Variants in EPHA6 observed in about 807,000 individuals in gnomAD.
EPHA6 encodes the protein EPH receptor A6.
EPHA6 carries 50 observed loss-of-function variants against 112.0 expected under a neutral mutation model. The observed-to-expected ratio is 0.45, with a 90% CI of 0.36 to 0.56. The LOEUF (loss-of-function observed/expected upper bound fraction) is 0.56, where lower values mean the gene tolerates loss of function less well. EPHA6 is among the 20% of genes least tolerant of loss of function. EPHA6 has a pLI of 0.00. For synonymous variants in EPHA6, 529 were observed against 490.7 expected (o/e 1.08, Z -1.03); for missense variants, 1,280 against 1,417.4 (o/e 0.90, Z 1.56).
intron 13 of EPHA6, among the ~76,000 whole-genome samples, chr3:97,636,304 G>T (rs954851358): frequency 5.3e-5 from 8 of 152,058 alleles, no homozygotes; most frequent in Admixed American, 1.3e-4. Flanking sequence ...TCCACTCAAA[G>T]GTTTCAAGAT....
At chr3:96,985,737 G>T (rs2042997873) in intron 2 of EPHA6, among the ~76,000 whole-genome samples, 1 of 152,138 alleles carries the variant, frequency 6.6e-6, no homozygotes, top group South Asian at 2.1e-4. Context: ...TGTTAAGTTT[G>T]CATGATGGAT....
chr3:97,395,387 G>C lies in EPHA6; in HGVS notation c.1607-9763G>C, dbSNP rs1437540995. ...TTCCAAAACAAAATATAGGTCAGAA[G>C]TATTTTGAAACATGTTCTCAGGTTT... On this transcript the variant is annotated intron_variant, in intron 5 of 17. Transcript: ENST00000389672. 5.9e-5 allele frequency among the ~76,000 whole-genome samples: 9 copies of C among 151,706 alleles called. No homozygotes were observed. In the East Asian group the frequency reaches 1.7e-3, roughly 29 times the overall value.
At chr3:97,598,502 G>A (rs2093614215) in intron 12 of EPHA6, among the ~76,000 whole-genome samples, 1 of 144,918 alleles carries the variant, frequency 6.9e-6, no homozygotes. Flanking sequence ...ACCTATGAGT[G>A]AGAATATGCG....
At chr3:96,892,735 G>A (rs1309067118) in intron 2 of EPHA6, among the ~76,000 whole-genome samples, 1 of 151,852 alleles carries the variant, frequency 6.6e-6, no homozygotes, top group Non-Finnish European at 1.5e-5. Context: ...TTCTGCTCAT[G>A]CATTCCATTC....
At chr3:96,939,830 A>G (rs1303826921) in intron 2 of EPHA6, among the ~76,000 whole-genome samples, 1 of 152,172 alleles carries the variant, frequency 6.6e-6, no homozygotes, top group South Asian at 2.1e-4. Flanking sequence ...TTCAAAGAAC[A>G]TCTTTATTTC....
At chr3:97,726,629 G>A (rs781214586) in intron 15 of EPHA6, among the ~76,000 whole-genome samples, 7 of 151,996 alleles carry the variant, frequency 4.6e-5, no homozygotes, top group Non-Finnish European at 8.8e-5. Flanking sequence ...GTTTTCTAGC[G>A]TATGAAGATT....
At chr3:96,899,152 A>G (rs1475725368) in intron 2 of EPHA6, among the ~76,000 whole-genome samples, 1 of 152,044 alleles carries the variant, frequency 6.6e-6, no homozygotes, top group Non-Finnish European at 1.5e-5. Context: ...GTTTAGGAAA[A>G]AAATTTTTCT....
chr3:97,162,781 A>G (rs764227985), intron 3 of EPHA6, among the ~76,000 whole-genome samples: 3 of 152,164 alleles, frequency 2.0e-5, no homozygotes, highest in Non-Finnish European at 4.4e-5. Flanking sequence ...TTGAGAGAGC[A>G]TGACTCTCTG....
chr3:96,882,788 A>C (rs1041599267), intron 2 of EPHA6, among the ~76,000 whole-genome samples: 1 of 148,170 alleles, frequency 6.7e-6, no homozygotes, highest in Non-Finnish European at 1.5e-5. Flanking sequence ...TCATCAATCT[A>C]TGTGATATAT....
intron 14 of EPHA6, among the ~76,000 whole-genome samples, chr3:97,640,602 C>A (rs2093993613): frequency 6.6e-6 from 1 of 151,174 alleles, no homozygotes; most frequent in African/African-American, 2.4e-5. Flanking sequence ...GAAACCCCAT[C>A]TCTACTAAAA....
chr3:97,419,646 A>T (rs1406973015), intron 6 of EPHA6, among the ~76,000 whole-genome samples: 1 of 151,876 alleles, frequency 6.6e-6, no homozygotes, highest in Admixed American at 6.6e-5. Context: ...CACACACAAG[A>T]ATTTAACAGA....
intron 2 of EPHA6, among the ~76,000 whole-genome samples, chr3:96,900,978 C>T (rs1489023714): frequency 6.6e-6 from 1 of 152,172 alleles, no homozygotes; most frequent in East Asian, 1.9e-4. Flanking sequence ...ACCTAACAAG[C>T]CACATATTGA....
At chr3:97,596,875 AAT>A (rs62670860) in intron 12 of EPHA6, among the ~76,000 whole-genome samples, 7,603 of 100,026 alleles carry the variant, frequency 0.076, 304 homozygotes, top group Middle Eastern at 0.097. Flanking sequence ...ATATCTATGG[AAT>A]ATATATATAT....
intron 3 of EPHA6, among the ~76,000 whole-genome samples, chr3:97,117,277 T>G (rs910199136): frequency 6.6e-6 from 1 of 151,738 alleles, no homozygotes; most frequent in Non-Finnish European, 1.5e-5. Flanking sequence ...TCTAGGTTTT[T>G]TCTTTATTCT....
chr3:97,337,356 G>A (rs182050219), intron 5 of EPHA6, among the ~76,000 whole-genome samples: 14 of 152,096 alleles, frequency 9.2e-5, no homozygotes, highest in African/African-American at 1.7e-4. Context: ...TTAGTCCCAC[G>A]CACTCATTAT....
At chr3:97,330,186 T>G (rs1339248891) in intron 5 of EPHA6, among the ~76,000 whole-genome samples, 1 of 152,114 alleles carries the variant, frequency 6.6e-6, no homozygotes. Flanking sequence ...TATCTCTGTT[T>G]TGGTACCAGT....
At chr3:97,372,716 G>A (rs2085129794) in intron 5 of EPHA6, among the ~76,000 whole-genome samples, 2 of 152,036 alleles carry the variant, frequency 1.3e-5, no homozygotes, top group Admixed American at 1.3e-4. Flanking sequence ...TCCATTTTAA[G>A]TTTAAAAACA....
chr3:97,554,238 A>T lies in EPHA6; in HGVS notation c.2386+21695A>T, dbSNP rs574558711. Reference sequence around the variant, plus strand: ...TCATAAACCTGCTGTTAAAATTATTATTAAAGGTAAAATCTGATTATCCTT... The same window carrying T: ...TCATAAACCTGCTGTTAAAATTATTTTTAAAGGTAAAATCTGATTATCCTT... On this transcript the variant is annotated intron_variant, in intron 11 of 17. Transcript: ENST00000389672. Among the ~76,000 whole-genome samples, 7 of 152,258 alleles carry T rather than the reference A, an allele frequency of 4.6e-5. No individual in the cohort carries two copies. The South Asian group carries it at 1.2e-3, about 27-fold the overall frequency.
chr3:97,728,305 T>C (rs937712729), intron 15 of EPHA6, among the ~76,000 whole-genome samples: 1 of 152,034 alleles, frequency 6.6e-6, no homozygotes, highest in Non-Finnish European at 1.5e-5. Flanking sequence ...CACTAAGTCT[T>C]AAGAACATCA....
Sources: allele counts gnomAD v4.1 joint callset (sites outside exome capture counted in the v4.1 genomes callset), GRCh38; gene constraint gnomAD v4.1.1; transcripts MANE v1.5; gene names NCBI Gene and HGNC (gene_info 2026-07-23, HGNC 2026-07-21).